Variants in PGM2L1 observed in about 807,000 individuals in gnomAD.
The protein encoded by PGM2L1 is phosphoglucomutase 2 like 1.
A neutral mutation model predicts 73.4 loss-of-function variants in PGM2L1; 35 were observed. The ratio of observed to expected loss-of-function variants is 0.48; its 90% CI spans 0.36 to 0.63. PGM2L1 has a LOEUF of 0.63. Among genes scored for constraint, PGM2L1 ranks in the 30% least tolerant of loss-of-function variants. The pLI, the probability that PGM2L1 is intolerant of heterozygous loss-of-function variation, is 0.00. For synonymous variants in PGM2L1, 225 were observed against 253.8 expected (o/e 0.89, Z 1.08); for missense variants, 570 against 742.0 (o/e 0.77, Z 2.69).
At chr11:74,364,226 G>C (rs1298873310) in intron 5 of PGM2L1, among the ~76,000 whole-genome samples, 1 of 152,052 alleles carries the variant, frequency 6.6e-6, no homozygotes, top group Non-Finnish European at 1.5e-5. Flanking sequence ...GAAATAATAA[G>C]AGCTATTTAT....
At chr11:74,394,624 A>G (rs2134959283) in intron 1 of PGM2L1, among the ~76,000 whole-genome samples, 1 of 152,328 alleles carries the variant, frequency 6.6e-6, no homozygotes, top group Admixed American at 6.5e-5. Flanking sequence ...AAAATTTTCT[A>G]TGTACCCTGA....
chr11:74,355,784 T>C (rs1285714012), intron 5 of PGM2L1: 6 of 460,620 alleles, frequency 1.3e-5, no homozygotes, highest in Non-Finnish European at 2.6e-5. Context: ...ACAGGGAAGC[T>C]ATAGGTTACA....
chr11:74,371,285 A>G (rs1862749005), intron 3 of PGM2L1, among the ~76,000 whole-genome samples: 2 of 152,204 alleles, frequency 1.3e-5, no homozygotes, highest in African/African-American at 4.8e-5. Context: ...GGCAAAAAGA[A>G]TGGAAAAAGT....
At chr11:74,392,356 T>G (rs180836156) in intron 1 of PGM2L1, among the ~76,000 whole-genome samples, 653 of 151,922 alleles carry the variant, frequency 4.3e-3, no homozygotes, top group Middle Eastern at 0.01. Context: ...AAGAAAAAAA[T>G]GAATTTGAAT....
Position 74,335,544 on chromosome 11 carries a change from T to C in PGM2L1, c.*1108A>G, listed in dbSNP as rs1862082904. 6.6e-6 allele frequency: 1 copy of C among 152,252 alleles called. No individual in the cohort carries two copies. Among genetic ancestry groups the C allele is most frequent in the African/African-American group, 2.4e-5 (1 of 41,472 alleles). 9.4% of individuals were successfully genotyped at this position (152,252 alleles called of 1,614,324 possible). A position where few individuals can be genotyped will look rare whatever the true frequency, so the allele number is the denominator to read the frequency against. On this transcript the variant is annotated 3_prime_UTR_variant, in exon 14 of 14. Coordinates refer to ENST00000298198, the MANE Select transcript of PGM2L1 (RefSeq NM_173582.6). ...TAAACTGGACCTCTGTTTTAAAACATGTAGTTTTAGTATTTCATAATACTT... is the reference window on the plus strand; with the variant it reads ...TAAACTGGACCTCTGTTTTAAAACACGTAGTTTTAGTATTTCATAATACTT...
At chr11:74,365,620 A>G (rs1444419636) in intron 5 of PGM2L1, among the ~76,000 whole-genome samples, 2 of 152,328 alleles carry the variant, frequency 1.3e-5, no homozygotes, top group East Asian at 1.9e-4. Flanking sequence ...AATGCTCATC[A>G]TCACTGGCCA....
chr11:74,353,433 A>G (rs1862389772), intron 5 of PGM2L1, among the ~76,000 whole-genome samples: 1 of 151,816 alleles, frequency 6.6e-6, no homozygotes, highest in South Asian at 2.1e-4. Flanking sequence ...AGGTCAGCAG[A>G]TAAACATGTG....
At chr11:74,356,370 A>AT (rs1425382743) in intron 5 of PGM2L1, among the ~76,000 whole-genome samples, 2 of 152,250 alleles carry the variant, frequency 1.3e-5, no homozygotes, top group South Asian at 4.1e-4. Context: ...AGATAAAATT[A>AT]TAAACAGGAA....
At chr11:74,348,282 C>T (rs140819589) in intron 6 of PGM2L1, among the ~76,000 whole-genome samples, 128 of 152,134 alleles carry the variant, frequency 8.4e-4, no homozygotes, top group African/African-American at 2.7e-3. Context: ...ACATCCTAAC[C>T]TACCATTTAC....
rs183575191 is a variant in PGM2L1 at position 74,366,449 on chromosome 11, C to A, written c.555+2043G>T. Among the ~76,000 whole-genome samples the A allele has an allele frequency of 4.5e-3, 527 of 116,222 alleles. 4 individuals carry two copies. Among genetic ancestry groups the A allele is most frequent in the Non-Finnish European group, 7.2e-3 (392 of 54,358 alleles). The allele number at this position is 116,222 out of a possible 152,430, so 76.2% of individuals were successfully genotyped here. On this transcript the variant is annotated intron_variant, in intron 5 of 13. Transcript: ENST00000298198. The stretch of plus-strand genomic sequence containing the variant: ...CTCCAGCCTGGGCAACAGAGTGAGA[C>A]CCCATCTCTTAAAAAAAAAAAAAGG...
In PGM2L1 at chr11:74,398,323, G is replaced by T; in HGVS notation, c.-162C>A. The T allele has an allele frequency of 8.7e-7, 1 of 1,152,598 alleles. No individual in the cohort carries two copies. The highest frequency in any genetic ancestry group is 2.1e-5 in the South Asian group (1 of 47,132). The allele number at this position is 1,152,598 out of a possible 1,614,324, so 71.4% of individuals were successfully genotyped here. A position where few individuals can be genotyped will look rare whatever the true frequency, so the allele number is the denominator to read the frequency against. On this transcript the variant is annotated 5_prime_UTR_variant, in exon 1 of 14. Coordinates refer to ENST00000298198, the MANE Select transcript of PGM2L1 (RefSeq NM_173582.6). ...GTAACAGCTCCTGCCGCGGCGTCAG[G>T]GAACCGGGAGAGAGGGGGTTTATGG... is the stretch of plus-strand genomic sequence containing the variant.
intron 5 of PGM2L1, chr11:74,354,776 T>C (rs1249979929): frequency 2.9e-6 from 3 of 1,040,922 alleles, no homozygotes; most frequent in Non-Finnish European, 4.5e-6. Context: ...GTTGGTAGCA[T>C]TAAAGAAGAC....
chr11:74,360,896 C>A (rs866681137), intron 5 of PGM2L1, among the ~76,000 whole-genome samples: 16 of 152,182 alleles, frequency 1.1e-4, no homozygotes, highest in African/African-American at 3.6e-4. Flanking sequence ...TAAACAAAGG[C>A]CAGGAAGCTC....
At chr11:74,357,139 G>A (rs1014767026) in intron 5 of PGM2L1, among the ~76,000 whole-genome samples, 9 of 152,080 alleles carry the variant, frequency 5.9e-5, no homozygotes, top group East Asian at 1.9e-4. Flanking sequence ...GTGAGCCACC[G>A]TGCCCAGCCG....
intron 10 of PGM2L1, 146 bp from the exon 11 acceptor site, chr11:74,343,160 T>C: frequency 1.5e-6 from 2 of 1,332,940 alleles, no homozygotes; most frequent in Non-Finnish European, 2.0e-6. Context: ...GGGGACACTT[T>C]CGTTCTTTTT....
At position 74,342,941 on chromosome 11, in the gene PGM2L1, A is replaced by G. The variant is rs375195652; in HGVS notation, c.1386T>C (p.Ser462=). ...ATGTTATATTCATGGTTTCCAGGTAAGATGCCATCTCAGCAACCACAACAG... is the reference window on the plus strand; with the variant it reads ...ATGTTATATTCATGGTTTCCAGGTAGGATGCCATCTCAGCAACCACAACAG... The part of the protein sequence containing the change: ...SAAVVVAEMA[S]YLETMNITLK... The change falls in exon 11 of 14, where the codon TCT becomes TCC. Residue 462 remains serine, a synonymous_variant. Transcript: ENST00000298198. The G allele has an allele frequency of 4.3e-6, 7 of 1,611,198 alleles. No homozygotes were observed. The African/African-American group carries it at 8.0e-5, about 18-fold the overall frequency.
At chr11:74,350,171 T>G (rs190084376) in intron 6 of PGM2L1, among the ~76,000 whole-genome samples, 1 of 152,360 alleles carries the variant, frequency 6.6e-6, no homozygotes, top group East Asian at 1.9e-4. Context: ...CTAGTATTAC[T>G]GTCACTTATT....
chr11:74,374,486 C>A lies in PGM2L1; in HGVS notation c.208G>T (p.Ala70Ser). The A allele has an allele frequency of 6.2e-7, 1 of 1,614,146 alleles. No homozygotes were observed. Residue 70 changes from alanine (A) to serine (S), a missense_variant, in exon 2 of 14, where the codon GCA becomes TCA. By Grantham distance (99) the Ala-to-Ser change is moderately conservative. Coordinates refer to ENST00000298198, the MANE Select transcript of PGM2L1 (RefSeq NM_173582.6). ...GCCCCCATGGCAGAACGAAGTCCTGCAGTCCCAAAAGTCATTCGGCAACAA... is the reference window on the plus strand; with the variant it reads ...GCCCCCATGGCAGAACGAAGTCCTGAAGTCCCAAAAGTCATTCGGCAACAA... ...RLCCRMTFGTAGLRSAMGAGF... is the reference protein window; with the variant it reads ...RLCCRMTFGTSGLRSAMGAGF...
Position 74,374,526 on chromosome 11 carries a change from C to G in PGM2L1, c.168G>C (p.Glu56Asp). 6.2e-7 allele frequency: 1 copy of G among 1,614,182 alleles called. No individual in the cohort carries two copies. Among genetic ancestry groups the G allele is most frequent in the Non-Finnish European group, 8.5e-7 (1 of 1,180,004 alleles). The change falls in exon 2 of 14, where the codon GAG (glutamate) becomes GAC (aspartate). Residue 56 changes from glutamate to aspartate, a missense_variant. Glu to Asp is a conservative substitution (Grantham distance 45). Coordinates refer to ENST00000298198, the MANE Select transcript of PGM2L1 (RefSeq NM_173582.6). ...TTCGGCAACAAAGACGATCTCGCAGCTCCTTGTTCATCCCATTCCGTAACA... is the reference window on the plus strand; with the variant it reads ...TTCGGCAACAAAGACGATCTCGCAGGTCCTTGTTCATCCCATTCCGTAACA... ...ENLLRNGMNKELRDRLCCRMT... is the reference protein window; with the variant it reads ...ENLLRNGMNKDLRDRLCCRMT...
Sources: gnomAD v4.1 joint callset for allele counts (sites outside exome capture counted in the v4.1 genomes callset) on GRCh38, gnomAD v4.1.1 for gene constraint, MANE v1.5 for transcripts, NCBI Gene and HGNC (gene_info 2026-07-23, HGNC 2026-07-21) for gene names.